OR9Q1: variants seen among roughly 807,000 people sequenced by gnomAD.
OR9Q1 encodes the protein olfactory receptor 9Q1.
For synonymous variants in OR9Q1, 153 were observed against 148.6 expected (o/e 1.03, Z -0.22); for missense variants, 374 against 378.8 (o/e 0.99, Z 0.11).
chr11:58,147,568 G>A (rs184483007), intron 2 of OR9Q1, among the ~76,000 whole-genome samples: 3 of 152,288 alleles, frequency 2.0e-5, no homozygotes, highest in Admixed American at 2.0e-4. Flanking sequence ...TACTTTGTGA[G>A]TGGCAACCAA....
intron 2 of OR9Q1, chr11:58,124,653 T>A (rs1854070856): frequency 6.6e-6 from 1 of 152,260 alleles, no homozygotes; most frequent in South Asian, 2.1e-4. Flanking sequence ...GACAATAACA[T>A]AATGAGAGAG....
intron 1 of OR9Q1, among the ~76,000 whole-genome samples, chr11:58,040,231 T>C (rs1041688543): frequency 1.1e-4 from 16 of 152,214 alleles, no homozygotes; most frequent in Non-Finnish European, 4.4e-5. Context: ...ACTGGGTGAC[T>C]TTAAATATCT....
intron 1 of OR9Q1, among the ~76,000 whole-genome samples, chr11:58,042,759 T>C (rs1853178364): frequency 1.3e-5 from 2 of 152,362 alleles, no homozygotes; most frequent in Non-Finnish European, 2.9e-5. Flanking sequence ...TTCACGATAT[T>C]GATTCTTCCT....
chr11:58,028,269 G>T (rs1590541146), intron 1 of OR9Q1, among the ~76,000 whole-genome samples: 1 of 152,218 alleles, frequency 6.6e-6, no homozygotes, highest in Admixed American at 6.5e-5. Context: ...CTAGGTCAGA[G>T]CAGGTGCCCT....
chr11:58,131,634 G>A (rs1476834377), intron 2 of OR9Q1, among the ~76,000 whole-genome samples: 3 of 151,992 alleles, frequency 2.0e-5, no homozygotes. Flanking sequence ...TTGTTCAACA[G>A]CATGTGGTAT....
intron 2 of OR9Q1, among the ~76,000 whole-genome samples, chr11:58,161,827 C>T (rs1191067509): frequency 3.9e-5 from 6 of 152,194 alleles, no homozygotes; most frequent in Non-Finnish European, 8.8e-5. Context: ...CCACCGCACC[C>T]GGCCCTCTGG....
chr11:58,142,472 G>T (rs933927868), intron 2 of OR9Q1, among the ~76,000 whole-genome samples: 3 of 152,064 alleles, frequency 2.0e-5, no homozygotes, highest in Non-Finnish European at 4.4e-5. Flanking sequence ...CTTAAGTATA[G>T]AAAAACAACC....
intron 2 of OR9Q1, among the ~76,000 whole-genome samples, chr11:58,124,009 C>T (rs1305302153): frequency 2.0e-5 from 3 of 152,100 alleles, no homozygotes; most frequent in Non-Finnish European, 2.9e-5. Context: ...AATATAGTAA[C>T]GATTCTTGAA....
chr11:58,175,562 C>T (rs1186850559), intron 2 of OR9Q1, among the ~76,000 whole-genome samples: 1 of 152,078 alleles, frequency 6.6e-6, no homozygotes, highest in East Asian at 1.9e-4. Context: ...CTACTATTCC[C>T]ATAGTACTGT....
At chr11:58,076,951 C>G (rs1405798410) in intron 2 of OR9Q1, among the ~76,000 whole-genome samples, 2 of 152,122 alleles carry the variant, frequency 1.3e-5, no homozygotes, top group Non-Finnish European at 2.9e-5. Flanking sequence ...CCCCTTTTAA[C>G]ACTTAGTGAA....
intron 1 of OR9Q1, chr11:58,030,914 C>A: frequency 7.8e-7 from 1 of 1,290,166 alleles, no homozygotes; most frequent in Non-Finnish European, 1.1e-6. Context: ...CTCTCATTGT[C>A]TATGAGGCTA....
intron 2 of OR9Q1, among the ~76,000 whole-genome samples, chr11:58,076,141 T>A (rs367834964): frequency 6.6e-6 from 1 of 152,250 alleles, no homozygotes; most frequent in African/African-American, 2.4e-5. Context: ...AGAAAACTTT[T>A]TGGCCTCTGC....
chr11:58,176,688 C>G (rs1419033683), intron 2 of OR9Q1, among the ~76,000 whole-genome samples: 1 of 152,090 alleles, frequency 6.6e-6, no homozygotes, highest in Non-Finnish European at 1.5e-5. Flanking sequence ...GACTTTCAGG[C>G]AGTGAAGTTA....
chr11:58,094,404 T>C (rs2443435), intron 2 of OR9Q1, among the ~76,000 whole-genome samples: 152,304 of 152,310 alleles, frequency 1, 76,149 homozygotes, highest in Middle Eastern at 1. Context: ...ATCCACATAA[T>C]GAAAATTACA....
intron 2 of OR9Q1, among the ~76,000 whole-genome samples, chr11:58,143,555 T>C (rs1854270867): frequency 6.6e-6 from 1 of 152,216 alleles, no homozygotes; most frequent in South Asian, 2.1e-4. Context: ...TGCCCTCATA[T>C]TCTTCTGTCA....
intron 2 of OR9Q1, among the ~76,000 whole-genome samples, chr11:58,147,417 C>T (rs1429843170): frequency 6.6e-6 from 1 of 152,150 alleles, no homozygotes; most frequent in Non-Finnish European, 1.5e-5. Flanking sequence ...GCTTAAGAAA[C>T]CACCCCTTAC....
At chr11:58,143,093 G>A (rs1854266264) in intron 2 of OR9Q1, among the ~76,000 whole-genome samples, 1 of 152,174 alleles carries the variant, frequency 6.6e-6, no homozygotes, top group African/African-American at 2.4e-5. Context: ...TGGAGTTGAT[G>A]TTGGAACTCC....
chr11:58,088,272 C>T (rs1853652397), intron 2 of OR9Q1, among the ~76,000 whole-genome samples: 1 of 151,900 alleles, frequency 6.6e-6, no homozygotes, highest in Non-Finnish European at 1.5e-5. Context: ...AATAGTGCTG[C>T]AATAAACATA....
intron 2 of OR9Q1, among the ~76,000 whole-genome samples, chr11:58,098,662 T>C (rs1222138243): frequency 6.6e-6 from 1 of 152,188 alleles, no homozygotes; most frequent in Non-Finnish European, 1.5e-5. Context: ...ATAAATAATC[T>C]ATTTTTATTA....
Sources: gnomAD v4.1 joint callset for allele counts (sites outside exome capture counted in the v4.1 genomes callset) on GRCh38, gnomAD v4.1.1 for gene constraint, MANE v1.5 for transcripts, NCBI Gene and HGNC (gene_info 2026-07-23, HGNC 2026-07-21) for gene names.